The following ROBO2 variants were observed in gnomAD, a reference collection of about 807,000 sequenced individuals.
ROBO2 encodes roundabout guidance receptor 2, also known as roundabout homolog 2.
A neutral mutation model predicts 160.8 loss-of-function variants in ROBO2; 53 were observed. That is an observed-to-expected ratio of 0.33 (90% CI 0.26 to 0.41). The LOEUF (loss-of-function observed/expected upper bound fraction) is 0.41. ROBO2 is among the 10% of genes least tolerant of loss of function. The pLI, the probability that ROBO2 is intolerant of heterozygous loss-of-function variation, is 1.00. For missense variants in ROBO2, 1,577 were observed against 1,722.4 expected, an observed-to-expected ratio of 0.92 and a Z score of 1.49; for synonymous variants, 664 against 611.7, an observed-to-expected ratio of 1.09 and a Z score of -1.26.
intron 23 of ROBO2, chr3:77,629,306 A>G (rs1411408509): frequency 6.6e-6 from 1 of 152,144 alleles, no homozygotes; most frequent in African/African-American, 2.4e-5. Context: ...TGTAGGATTT[A>G]CTGGTTTCAC....
intron 2 of ROBO2, among the ~76,000 whole-genome samples, chr3:76,129,232 T>G (rs889118942): frequency 2.6e-5 from 4 of 152,072 alleles, no homozygotes; most frequent in African/African-American, 9.7e-5. Context: ...TCTTTAGTGT[T>G]ACGGCACTAA....
Position 77,297,706 on chromosome 3 carries a change from A to G in ROBO2, c.389-179708A>G, listed in dbSNP as rs562357341. Reference sequence around the variant, plus strand: ...TTCCCCACAGTTGTGTCAAGTCCACACAGTTGTATCAATGCTTCTGCTTTT... The same window carrying G: ...TTCCCCACAGTTGTGTCAAGTCCACGCAGTTGTATCAATGCTTCTGCTTTT... On this transcript the variant is annotated intron_variant, in intron 2 of 25. Coordinates refer to ENST00000461745, the Ensembl canonical transcript of ROBO2. Among the ~76,000 whole-genome samples the G allele has an allele frequency of 5.3e-5, 8 of 152,312 alleles. No individual in the cohort carries two copies. In the East Asian group the frequency reaches 1.5e-3, roughly 29 times the overall value.
chr3:75,959,081 T>A (rs912406036), intron 2 of ROBO2, among the ~76,000 whole-genome samples: 2 of 151,790 alleles, frequency 1.3e-5, no homozygotes, highest in African/African-American at 4.8e-5. Context: ...TATGATGACA[T>A]AAGTATTTTA....
intron 15 of ROBO2, among the ~76,000 whole-genome samples, chr3:77,577,980 T>A (rs1045034815): frequency 6.6e-6 from 1 of 152,098 alleles, no homozygotes; most frequent in Admixed American, 6.6e-5. Flanking sequence ...CAGCTGTTTT[T>A]AAACCACGTT....
chr3:76,982,642 GAAAT>G (rs1252009671), intron 2 of ROBO2, among the ~76,000 whole-genome samples: 1 of 152,096 alleles, frequency 6.6e-6, no homozygotes, highest in East Asian at 1.9e-4. Context: ...ATTACACTGT[GAAAT>G]AAAATAAAAT....
chr3:76,135,579 A>T (rs1258834046), intron 2 of ROBO2, among the ~76,000 whole-genome samples: 1 of 152,146 alleles, frequency 6.6e-6, no homozygotes, highest in African/African-American at 2.4e-5. Context: ...AAACATGTTC[A>T]ATGTATCACA....
intron 2 of ROBO2, among the ~76,000 whole-genome samples, chr3:77,206,143 ATC>A (rs146646560): frequency 3.3e-5 from 5 of 149,866 alleles, no homozygotes; most frequent in Admixed American, 6.6e-5. Flanking sequence ...CTCTTCCTGC[ATC>A]TCTCTCTCTC....
chr3:76,029,160 A>G (rs551735168), intron 2 of ROBO2, among the ~76,000 whole-genome samples: 1 of 152,098 alleles, frequency 6.6e-6, no homozygotes, highest in Non-Finnish European at 1.5e-5. Flanking sequence ...GACCTAATAT[A>G]TTTAGTTTTT....
intron 2 of ROBO2, among the ~76,000 whole-genome samples, chr3:77,133,101 A>G (rs1038043302): frequency 3.3e-5 from 5 of 152,190 alleles, no homozygotes; most frequent in African/African-American, 1.2e-4. Context: ...TTATTTATTT[A>G]TATAGCAAAA....
chr3:76,781,803 A>C (rs2062660126), intron 2 of ROBO2, among the ~76,000 whole-genome samples: 2 of 150,782 alleles, frequency 1.3e-5, no homozygotes, highest in South Asian at 4.1e-4. Flanking sequence ...GATTTGGTTA[A>C]GGATTTTTGC....
intron 2 of ROBO2, among the ~76,000 whole-genome samples, chr3:77,444,544 A>C (rs1003094118): frequency 6.6e-6 from 1 of 152,142 alleles, no homozygotes; most frequent in Non-Finnish European, 1.5e-5. Context: ...TTCTAAGTTC[A>C]GTTAATTGAA....
chr3:76,647,565 A>G (rs2091039356), intron 2 of ROBO2, among the ~76,000 whole-genome samples: 2 of 152,220 alleles, frequency 1.3e-5, no homozygotes, highest in African/African-American at 4.8e-5. Context: ...TACCTTCTCA[A>G]TTAAACACAG....
intron 2 of ROBO2, among the ~76,000 whole-genome samples, chr3:77,441,826 C>T (rs932770372): frequency 1.3e-5 from 2 of 152,120 alleles, no homozygotes; most frequent in African/African-American, 4.8e-5. Flanking sequence ...CAGCGATTCT[C>T]TTCAGAAAAT....
At chr3:77,639,522 A>C (rs1325337297) in intron 24 of ROBO2, among the ~76,000 whole-genome samples, 1 of 152,178 alleles carries the variant, frequency 6.6e-6, no homozygotes, top group Non-Finnish European at 1.5e-5. Flanking sequence ...ACATAAGCAA[A>C]AAAGTAATGC....
chr3:76,086,684 CAAA>C (rs915565385), intron 2 of ROBO2, among the ~76,000 whole-genome samples: 1 of 151,856 alleles, frequency 6.6e-6, no homozygotes, highest in African/African-American at 2.4e-5. Context: ...AATTTGAAAA[CAAA>C]AAACAATCAT....
chr3:77,489,178 G>C (rs956131137), intron 4 of ROBO2, among the ~76,000 whole-genome samples: 1 of 152,126 alleles, frequency 6.6e-6, no homozygotes, highest in Non-Finnish European at 1.5e-5. Flanking sequence ...TAATACCCAG[G>C]TATAAAACCC....
chr3:77,003,478 T>A (rs1170662575), intron 2 of ROBO2, among the ~76,000 whole-genome samples: 5 of 152,238 alleles, frequency 3.3e-5, no homozygotes, highest in Non-Finnish European at 7.3e-5. Flanking sequence ...TTTGTTTTTT[T>A]CCCATGCCTT....
intron 1 of ROBO2, among the ~76,000 whole-genome samples, chr3:77,062,890 G>C (rs1241273102): frequency 1.3e-5 from 2 of 152,262 alleles, no homozygotes; most frequent in Non-Finnish European, 2.9e-5. Flanking sequence ...TTGTGAATTA[G>C]TTTGTATATG....
At chr3:77,221,939 G>A (rs1263157888) in intron 2 of ROBO2, among the ~76,000 whole-genome samples, 3 of 140,508 alleles carry the variant, frequency 2.1e-5, no homozygotes, top group Non-Finnish European at 4.5e-5. Context: ...TACAACCTCC[G>A]CCTCCCAGAT....
Sources: gnomAD v4.1 joint callset for allele counts (sites outside exome capture counted in the v4.1 genomes callset) on GRCh38, gnomAD v4.1.1 for gene constraint, MANE v1.5 for transcripts, NCBI Gene and HGNC (gene_info 2026-07-23, HGNC 2026-07-21) for gene names.